GPC5: variants seen among roughly 807,000 people sequenced by gnomAD.
GPC5 encodes glypican 5.
In GPC5, 47 loss-of-function variants were observed where a neutral mutation model predicts 53.9. That is an observed-to-expected ratio of 0.87 (90% CI 0.69 to 1.11). The LOEUF (loss-of-function observed/expected upper bound fraction) is 1.11. GPC5 is among the 50% of genes most tolerant of loss of function. The pLI is 0.00. For missense variants in GPC5, 748 were observed against 713.1 expected, an observed-to-expected ratio of 1.05 and a Z score of -0.56; for synonymous variants, 286 against 263.3, an observed-to-expected ratio of 1.09 and a Z score of -0.84.
At chr13:92,743,376 G>T (rs1484316378) in intron 7 of GPC5, among the ~76,000 whole-genome samples, 1 of 151,946 alleles carries the variant, frequency 6.6e-6, no homozygotes, top group African/African-American at 2.4e-5. Context: ...TCATGATTTG[G>T]CTCTCTGTTT....
At chr13:92,786,920 C>A (rs1380194284) in intron 7 of GPC5, among the ~76,000 whole-genome samples, 2 of 152,112 alleles carry the variant, frequency 1.3e-5, no homozygotes, top group African/African-American at 4.8e-5. Flanking sequence ...ATCCAGGCTC[C>A]CCTGGAAGGA....
chr13:92,674,540 A>ATGAAGCAGGAGCTTCATGAAGCTCTTCT (rs71123431), intron 7 of GPC5, among the ~76,000 whole-genome samples: 75 of 148,368 alleles, frequency 5.1e-4, no homozygotes, highest in East Asian at 1.4e-3. Flanking sequence ...TTCTTGCTTC[A>ATGAAGCAGGAGCTTCATGAAGCTCTTCT]TGAAGCAGGA....
chr13:92,188,810 T>G (rs1329785151), intron 7 of GPC5, among the ~76,000 whole-genome samples: 2 of 152,176 alleles, frequency 1.3e-5, no homozygotes, highest in Non-Finnish European at 2.9e-5. Context: ...TGGTTCAGCA[T>G]CTAAGAAATT....
intron 2 of GPC5, among the ~76,000 whole-genome samples, chr13:91,508,268 T>A (rs1885051816): frequency 6.6e-6 from 1 of 152,182 alleles, no homozygotes. Context: ...AAAATTAGAC[T>A]GCATTTAAAG....
At chr13:91,810,949 A>G (rs756955873) in intron 5 of GPC5, among the ~76,000 whole-genome samples, 35 of 151,494 alleles carry the variant, frequency 2.3e-4, no homozygotes, top group Non-Finnish European at 2.7e-4. Context: ...AAAAAAAAAA[A>G]AAAAAGAACC....
At chr13:91,532,293 G>T (rs1331385938) in intron 2 of GPC5, among the ~76,000 whole-genome samples, 1 of 152,180 alleles carries the variant, frequency 6.6e-6, no homozygotes, top group East Asian at 1.9e-4. Context: ...GGTGCTCCCA[G>T]ATCAGTCAGC....
At chr13:92,244,321 G>T (rs1429545613) in intron 7 of GPC5, among the ~76,000 whole-genome samples, 1 of 152,140 alleles carries the variant, frequency 6.6e-6, no homozygotes, top group Admixed American at 6.5e-5. Flanking sequence ...TTGCTAAATT[G>T]TTATATGATA....
chr13:91,999,824 A>G (rs2138751015), intron 6 of GPC5, among the ~76,000 whole-genome samples: 3 of 152,350 alleles, frequency 2.0e-5, no homozygotes, highest in Admixed American at 2.0e-4. Flanking sequence ...TATATTCTGT[A>G]GTGGCAACAC....
intron 6 of GPC5, among the ~76,000 whole-genome samples, chr13:91,925,851 A>T (rs1452553037): frequency 6.6e-6 from 1 of 152,244 alleles, no homozygotes; most frequent in African/African-American, 2.4e-5. Flanking sequence ...AGGAACTCAG[A>T]AGACATTCCG....
rs1052701870 is a variant in GPC5 at position 92,337,204 on chromosome 13, A to C, written c.1561+192215A>C. On this transcript the variant is annotated intron_variant, in intron 7 of 7. Transcript: ENST00000377067. ...TTATGTTAGCAGCACCCCCCACCCA[A>C]AAAAAAAAAAGAAATAGGTACACAT... 4.3e-4 allele frequency among the ~76,000 whole-genome samples: 18 copies of C among 42,242 alleles called. No homozygotes were observed. The African/African-American group carries it at 4.4e-3, about 10-fold the overall frequency. 27.7% of individuals were successfully genotyped at this position (42,242 alleles called of 152,430 possible).
chr13:91,979,514 G>C lies in GPC5; in HGVS notation c.1401+71457G>C, dbSNP rs576204407. Among the ~76,000 whole-genome samples the C allele has an allele frequency of 3.7e-4, 57 of 152,238 alleles. 1 individual carries two copies. The highest frequency in any genetic ancestry group is 1.3e-3 in the African/African-American group (53 of 41,534). ...TAGAAAATGGGCTATATCGACCTTT[G>C]ATTCAATTCCACAACTTTGGAGAAA... On this transcript the variant is annotated intron_variant, in intron 6 of 7. Coordinates refer to ENST00000377067, the MANE Select transcript of GPC5 (RefSeq NM_004466.6).
At position 91,498,221 on chromosome 13, in the gene GPC5, A is replaced by G. The variant is rs1301564875; in HGVS notation, c.325+49299A>G. ...ATTTTTGCTTAAATATTGTCTTTTC[A>G]GAAATCTCTACCCAAAGATTTTTTT... On this transcript the variant is annotated intron_variant, in intron 2 of 7. Transcript: ENST00000377067. 2.8e-5 allele frequency among the ~76,000 whole-genome samples: 4 copies of G among 145,322 alleles called. No individual in the cohort carries two copies. The East Asian group carries it at 8.1e-4, about 30-fold the overall frequency.
rs541322044 is a variant in GPC5, at chr13:92,598,461, T to C, written c.1562-267821T>C. ...TTTCTCTCCTTAAAAGCTTTTCAAC[T>C]TGTTTTTCATGGGAACTTTATCTTC... is the stretch of plus-strand genomic sequence containing the variant. On this transcript the variant is annotated intron_variant, in intron 7 of 7. Coordinates refer to ENST00000377067, the MANE Select transcript of GPC5 (RefSeq NM_004466.6). Among the ~76,000 whole-genome samples, 19 of 152,290 alleles carry C rather than the reference T, an allele frequency of 1.2e-4. No individual in the cohort carries two copies. The South Asian group carries it at 3.7e-3, about 30-fold the overall frequency.
At chr13:92,510,103 A>G (rs1880511032) in intron 7 of GPC5, 1 of 152,220 alleles carries the variant, frequency 6.6e-6, no homozygotes, top group Non-Finnish European at 1.5e-5. Context: ...TTGATATATT[A>G]TTAATGACAT....
At chr13:91,772,433 T>C (rs1236347464) in intron 5 of GPC5, among the ~76,000 whole-genome samples, 1 of 152,186 alleles carries the variant, frequency 6.6e-6, no homozygotes, top group Non-Finnish European at 1.5e-5. Flanking sequence ...CATTCAGGAA[T>C]GTTATTGTCA....
chr13:92,291,460 A>G (rs994047616), intron 7 of GPC5, among the ~76,000 whole-genome samples: 1 of 152,160 alleles, frequency 6.6e-6, no homozygotes, highest in African/African-American at 2.4e-5. Flanking sequence ...TCGACACTGT[A>G]TCTAGCTAAT....
chr13:91,961,009 G>A (rs540254382), intron 6 of GPC5, among the ~76,000 whole-genome samples: 1 of 151,872 alleles, frequency 6.6e-6, no homozygotes, highest in South Asian at 2.1e-4. Context: ...GACCTCAAAA[G>A]CACTGGCAAC....
At chr13:92,812,829 G>A (rs942308774) in intron 7 of GPC5, among the ~76,000 whole-genome samples, 10 of 151,770 alleles carry the variant, frequency 6.6e-5, no homozygotes, top group Non-Finnish European at 1.5e-4. Flanking sequence ...GCCATGAGAA[G>A]AAAATTAAGA....
At chr13:91,566,171 T>C (rs964993136) in intron 2 of GPC5, among the ~76,000 whole-genome samples, 3 of 152,156 alleles carry the variant, frequency 2.0e-5, no homozygotes, top group African/African-American at 7.2e-5. Flanking sequence ...GTCACCAATC[T>C]ACTACAGCCT....
Sources: allele counts gnomAD v4.1 joint callset (sites outside exome capture counted in the v4.1 genomes callset), GRCh38; gene constraint gnomAD v4.1.1; transcripts MANE v1.5; gene names NCBI Gene and HGNC (gene_info 2026-07-23, HGNC 2026-07-21).